Variants in PLCB1 observed in about 807,000 individuals in gnomAD.
PLCB1 encodes the protein phospholipase C beta 1, also known as 1-phosphatidylinositol 4,5-bisphosphate phosphodiesterase beta-1.
In PLCB1, 46 loss-of-function variants were observed where a neutral mutation model predicts 161.8. The ratio of observed to expected loss-of-function variants is 0.28; its 90% confidence interval spans 0.22 to 0.36. PLCB1 has a LOEUF of 0.36. PLCB1 is among the 10% of genes least tolerant of loss of function. The pLI, the probability that PLCB1 is intolerant of heterozygous loss-of-function variation, is 1.00. For synonymous variants in PLCB1, 517 were observed against 503.7 expected, an observed-to-expected ratio of 1.03 and a Z score of -0.35; for missense variants, 1,016 against 1,472.5, an observed-to-expected ratio of 0.69 and a Z score of 5.07.
chr20:8,683,997 C>T (rs1179384109), intron 9 of PLCB1, among the ~76,000 whole-genome samples: 3 of 151,490 alleles, frequency 2.0e-5, no homozygotes, highest in Non-Finnish European at 2.9e-5. Context: ...AATTCTCCTG[C>T]CTCAGCCTCC....
At chr20:8,778,085 C>T (rs1242079910) in intron 27 of PLCB1, among the ~76,000 whole-genome samples, 1 of 152,080 alleles carries the variant, frequency 6.6e-6, no homozygotes, top group African/African-American at 2.4e-5. Context: ...AACCATATCA[C>T]CGACTATAAT....
intron 3 of PLCB1, among the ~76,000 whole-genome samples, chr20:8,516,696 T>C: frequency 7.6e-6 from 1 of 130,738 alleles, no homozygotes; most frequent in South Asian, 2.4e-4. Flanking sequence ...TATATATATA[T>C]ATATATATAT....
intron 2 of PLCB1, among the ~76,000 whole-genome samples, chr20:8,245,948 A>G (rs1420376012): frequency 2.0e-5 from 3 of 151,964 alleles, no homozygotes; most frequent in African/African-American, 7.2e-5. Context: ...AGGAGACCTC[A>G]GATTCAAATC....
At chr20:8,454,525 A>G (rs1981210930) in intron 3 of PLCB1, among the ~76,000 whole-genome samples, 1 of 152,174 alleles carries the variant, frequency 6.6e-6, no homozygotes, top group African/African-American at 2.4e-5. Context: ...CATTTTGGAG[A>G]TGAAGCTGAC....
intron 31 of PLCB1, among the ~76,000 whole-genome samples, chr20:8,853,766 G>A (rs1986969113): frequency 6.6e-6 from 1 of 152,210 alleles, no homozygotes; most frequent in Admixed American, 6.5e-5. Flanking sequence ...TTTTGTGTGA[G>A]TCTCCTAAAT....
At chr20:8,691,967 T>A (rs977675782) in intron 10 of PLCB1, among the ~76,000 whole-genome samples, 2 of 152,176 alleles carry the variant, frequency 1.3e-5, no homozygotes, top group African/African-American at 2.4e-5. Context: ...AGAAACACTA[T>A]GCAGTAAATA....
intron 9 of PLCB1, among the ~76,000 whole-genome samples, chr20:8,659,920 A>C (rs1989575831): frequency 6.7e-6 from 1 of 148,460 alleles, no homozygotes; most frequent in Non-Finnish European, 1.5e-5. Flanking sequence ...TTAACCCAGG[A>C]GGCAGAGGTT....
At chr20:8,850,160 G>T (rs1395954649) in intron 31 of PLCB1, among the ~76,000 whole-genome samples, 2 of 152,126 alleles carry the variant, frequency 1.3e-5, no homozygotes, top group Non-Finnish European at 2.9e-5. Context: ...CTTTTTTCTT[G>T]AGCAAAGGAG....
At chr20:8,376,489 A>G (rs11907490) in intron 3 of PLCB1, among the ~76,000 whole-genome samples, 5,522 of 152,286 alleles carry the variant, frequency 0.036, 146 homozygotes, top group Middle Eastern at 0.1. Flanking sequence ...ATTCAATGAC[A>G]GAAGTCATTG....
intron 3 of PLCB1, among the ~76,000 whole-genome samples, chr20:8,532,900 A>C (rs1185182260): frequency 1.3e-5 from 2 of 151,990 alleles, no homozygotes; most frequent in Non-Finnish European, 2.9e-5. Context: ...TGTAGGGTAC[A>C]TGTGCACAAT....
chr20:8,634,125 G>A (rs567987445), intron 4 of PLCB1, among the ~76,000 whole-genome samples: 1 of 152,298 alleles, frequency 6.6e-6, no homozygotes, highest in South Asian at 2.1e-4. Context: ...AGATCTTTGT[G>A]TGTACTGCTT....
chr20:8,262,759 C>T (rs752346610), intron 2 of PLCB1, among the ~76,000 whole-genome samples: 1 of 152,140 alleles, frequency 6.6e-6, no homozygotes, highest in Non-Finnish European at 1.5e-5. Flanking sequence ...ATGAAAGTGC[C>T]AACAGATTTG....
intron 3 of PLCB1, among the ~76,000 whole-genome samples, chr20:8,528,164 A>T (rs1984657310): frequency 6.6e-6 from 1 of 152,094 alleles, no homozygotes; most frequent in African/African-American, 2.4e-5. Context: ...AACATACCTC[A>T]GCCCTATGAC....
chr20:8,815,983 C>G (rs1327833802), intron 31 of PLCB1, among the ~76,000 whole-genome samples: 1 of 151,932 alleles, frequency 6.6e-6, no homozygotes, highest in Non-Finnish European at 1.5e-5. Flanking sequence ...GGCAAAGATT[C>G]CTGGAAGTGA....
At chr20:8,835,363 C>T (rs1986239579) in intron 31 of PLCB1, among the ~76,000 whole-genome samples, 2 of 152,198 alleles carry the variant, frequency 1.3e-5, no homozygotes, top group East Asian at 1.9e-4. Flanking sequence ...TTTTGTTAGA[C>T]CTATTTCAGG....
At chr20:8,772,068 T>TC (rs1982716834) in intron 26 of PLCB1, among the ~76,000 whole-genome samples, 1 of 145,838 alleles carries the variant, frequency 6.9e-6, no homozygotes, top group Non-Finnish European at 1.5e-5. Context: ...TTTTTTTTTT[T>TC]AGAGGTGGGG....
At position 8,461,834 on chromosome 20, in the gene PLCB1, T is replaced by A. The variant is rs548797853; in HGVS notation, c.246+90384T>A. 4.6e-5 allele frequency among the ~76,000 whole-genome samples: 7 copies of A among 152,310 alleles called. No homozygotes were observed. The East Asian group carries it at 1.4e-3, about 29-fold the overall frequency. Reference sequence around the variant, plus strand: ...TGGCCTGGGATTTTGTGTTGTTTGATTTAATTCCCTCATAAAAATGTGTCA... The same window carrying A: ...TGGCCTGGGATTTTGTGTTGTTTGAATTAATTCCCTCATAAAAATGTGTCA... On this transcript the variant is annotated intron_variant, in intron 3 of 31. Coordinates refer to ENST00000338037, the MANE Select transcript of PLCB1 (RefSeq NM_015192.4).
rs112551793 is a variant in PLCB1, at chr20:8,374,102, C to CA, written c.246+2656dup. 1.1e-4 allele frequency among the ~76,000 whole-genome samples: 17 copies of CA among 152,108 alleles called. 1 individual carries two copies. The highest frequency in any genetic ancestry group is 3.4e-3 in the Middle Eastern group (1 of 294). On this transcript the variant is annotated intron_variant, in intron 3 of 31. Coordinates refer to ENST00000338037, the MANE Select transcript of PLCB1 (RefSeq NM_015192.4). ...GATATGGCTTGGCTGTGTCCCCACC[C>CA]AAAATCTCATCTTGAATTGTAATTC...
chr20:8,369,730 C>T (rs1322340388), intron 2 of PLCB1, among the ~76,000 whole-genome samples: 2 of 152,122 alleles, frequency 1.3e-5, no homozygotes, highest in African/African-American at 4.8e-5. Flanking sequence ...GGCTAAGGAA[C>T]CCTCTAAAAT....
Sources: allele counts gnomAD v4.1 joint callset (sites outside exome capture counted in the v4.1 genomes callset), GRCh38; gene constraint gnomAD v4.1.1; transcripts MANE v1.5; gene names NCBI Gene and HGNC (gene_info 2026-07-23, HGNC 2026-07-21).